Variants in FRAS1 observed in about 807,000 individuals in gnomAD.
FRAS1 encodes extracellular matrix organizing protein FRAS1.
Under a neutral mutation model 435.2 loss-of-function variants are expected in FRAS1, and 290 were observed. That is an observed-to-expected ratio of 0.67 (90% CI 0.61 to 0.73). The LOEUF (loss-of-function observed/expected upper bound fraction) is 0.73. Ranked by LOEUF, FRAS1 falls within the 30% of genes least tolerant of loss-of-function variation. The probability of loss-of-function intolerance (pLI) is 0.00; values close to 1 mark genes in which losing one functional copy is unlikely to be tolerated. For missense variants in FRAS1, 4,860 were observed against 5,001.5 expected (o/e 0.97, Z 0.85); for synonymous variants, 1,800 against 1,851.0 (o/e 0.97, Z 0.71).
At chr4:78,083,345 A>G (rs1259502877) in intron 2 of FRAS1, among the ~76,000 whole-genome samples, 1 of 152,100 alleles carries the variant, frequency 6.6e-6, no homozygotes, top group Non-Finnish European at 1.5e-5. Flanking sequence ...ATTCTCAAAA[A>G]CAGATCTGGG....
intron 18 of FRAS1, among the ~76,000 whole-genome samples, chr4:78,324,562 T>G (rs1385135917): frequency 6.6e-6 from 1 of 152,142 alleles, no homozygotes; most frequent in Non-Finnish European, 1.5e-5. Context: ...TTTGCATATA[T>G]CTACTCCTAC....
intron 2 of FRAS1, among the ~76,000 whole-genome samples, chr4:78,184,822 T>C (rs1349345404): frequency 6.6e-6 from 1 of 152,188 alleles, no homozygotes; most frequent in African/African-American, 2.4e-5. Context: ...GTCAACTGAT[T>C]AGGGATTTTG....
chr4:78,328,228 A>G (rs1224315732), intron 18 of FRAS1, among the ~76,000 whole-genome samples: 1 of 152,226 alleles, frequency 6.6e-6, no homozygotes, highest in African/African-American at 2.4e-5. Context: ...TCGTTTTGTG[A>G]CCAAATGAAA....
At chr4:78,304,106 A>G (rs1260795) in intron 14 of FRAS1, among the ~76,000 whole-genome samples, 50,393 of 144,122 alleles carry the variant, frequency 0.35, 10,030 homozygotes, top group African/African-American at 0.5. Flanking sequence ...TGCATCTATT[A>G]AGATAATCAT....
chr4:78,412,922 C>T, intron 31 of FRAS1, 47 bp from the exon 32 acceptor site: 1 of 1,222,386 alleles, frequency 8.2e-7, no homozygotes, highest in Non-Finnish European at 1.2e-6. Context: ...CTAACATGCT[C>T]TGCTCAATAG....
chr4:78,301,994 TC>T (rs1305839586), intron 14 of FRAS1, among the ~76,000 whole-genome samples: 1 of 151,822 alleles, frequency 6.6e-6, no homozygotes, highest in Non-Finnish European at 1.5e-5. Context: ...CCCAATGCTA[TC>T]CCTCCCCACT....
chr4:78,177,969 G>C (rs1157598807), intron 2 of FRAS1, among the ~76,000 whole-genome samples: 1 of 152,112 alleles, frequency 6.6e-6, no homozygotes, highest in East Asian at 1.9e-4. Flanking sequence ...AAATTAGAAA[G>C]TTATTCTCTC....
At chr4:78,417,466 A>G (rs1733597136) in intron 32 of FRAS1, among the ~76,000 whole-genome samples, 1 of 152,222 alleles carries the variant, frequency 6.6e-6, no homozygotes, top group African/African-American at 2.4e-5. Flanking sequence ...ATAGGTGTGT[A>G]CAAACATGTA....
intron 42 of FRAS1, chr4:78,446,098 A>G (rs1302780451): frequency 1.6e-5 from 17 of 1,069,484 alleles, no homozygotes; most frequent in East Asian, 1.3e-4. Context: ...TAATTGTAAC[A>G]TCAAAGAAAT....
intron 29 of FRAS1, among the ~76,000 whole-genome samples, chr4:78,395,596 C>G (rs1732625619): frequency 6.6e-6 from 1 of 152,070 alleles, no homozygotes; most frequent in East Asian, 1.9e-4. Context: ...GGATTAACCT[C>G]TCATTATATA....
chr4:78,114,766 A>G (rs986753547), intron 2 of FRAS1, among the ~76,000 whole-genome samples: 30 of 152,342 alleles, frequency 2.0e-4, no homozygotes, highest in African/African-American at 7.2e-4. Context: ...CAGTCATGTC[A>G]TCTGCAAACA....
At chr4:78,428,391 C>CG (rs1279868727) in intron 35 of FRAS1, among the ~76,000 whole-genome samples, 4 of 151,762 alleles carry the variant, frequency 2.6e-5, no homozygotes, top group Non-Finnish European at 5.9e-5. Context: ...GGTGCAATCT[C>CG]GGCTCACTGC....
chr4:78,456,138 C>CTTTTTTTTTTCTTTTT (rs1553962164), intron 47 of FRAS1, among the ~76,000 whole-genome samples: 2 of 51,484 alleles, frequency 3.9e-5, no homozygotes, highest in African/African-American at 8.2e-5. Context: ...ACACATGTCA[C>CTTTTTTTTTTCTTTTT]TTTTTTTTTT....
chr4:78,419,527 C>G (rs1271355560), intron 33 of FRAS1, among the ~76,000 whole-genome samples: 2 of 152,206 alleles, frequency 1.3e-5, no homozygotes, highest in African/African-American at 4.8e-5. Flanking sequence ...GGATACATTA[C>G]TCCTCCTCCT....
Position 78,362,440 on chromosome 4 carries a change from T to C in FRAS1, c.2423-1073T>C, listed in dbSNP as rs1424210141. Among the ~76,000 whole-genome samples, 3 of 152,184 alleles carry C rather than the reference T, an allele frequency of 2.0e-5. No individual in the cohort carries two copies. The East Asian group carries it at 5.8e-4, about 29-fold the overall frequency. On this transcript the variant is annotated intron_variant, in intron 20 of 73. Transcript: ENST00000512123. ...TCAACCCCTTGTAGGAGAAAGCATGTATGTTAGTGAGTGCAGGATCTGGCT... is the reference window on the plus strand; with the variant it reads ...TCAACCCCTTGTAGGAGAAAGCATGCATGTTAGTGAGTGCAGGATCTGGCT...
chr4:78,120,585 G>A (rs1404512494), intron 2 of FRAS1, among the ~76,000 whole-genome samples: 2 of 152,174 alleles, frequency 1.3e-5, no homozygotes, highest in Non-Finnish European at 2.9e-5. Context: ...GGAAAAAGGG[G>A]CCTGTGTGCA....
Position 78,400,851 on chromosome 4 carries a change from A to C in FRAS1, c.4093A>C (p.Ile1365Leu), listed in dbSNP as rs1732861527. Reference sequence around the variant, plus strand: ...GGCTCCTGGTGCCAGTGCTGAAGAAATCATCTACAAGATTACACAAGACTA... The same window carrying C: ...GGCTCCTGGTGCCAGTGCTGAAGAACTCATCTACAAGATTACACAAGACTA... ...AEAPGASAEE[I>L]IYKITQDYPQ... The change falls in exon 30 of 74, where the codon ATC (isoleucine) becomes CTC (leucine). Residue 1365 changes from isoleucine to leucine, a missense_variant. Transcript: ENST00000512123. 1.2e-6 allele frequency: 2 copies of C among 1,613,802 alleles called. No homozygotes were observed. The highest frequency in any genetic ancestry group is 1.7e-6 in the Non-Finnish European group (2 of 1,179,808).
Position 78,318,825 on chromosome 4 carries a change from G to C in FRAS1, c.1976G>C (p.Cys659Ser), listed in dbSNP as rs529969045. Reference sequence around the variant, plus strand: ...CCATTTGCAGCCTGTCACTCCTCCTGCCTGGCTTGTATGGGTCCCGCACCC... The same window carrying C: ...CCATTTGCAGCCTGTCACTCCTCCTCCCTGGCTTGTATGGGTCCCGCACCC... ...HGVCKACHSS[C>S]LACMGPAPSH... The change falls in exon 18 of 74, where the codon TGC becomes TCC. Residue 659 changes from cysteine to serine, a missense_variant. Physicochemically the swap from Cys to Ser is moderately radical, Grantham distance 112. Transcript: ENST00000512123. 4 of 1,577,064 alleles carry C rather than the reference G, an allele frequency of 2.5e-6. No individual in the cohort carries two copies. The South Asian group carries it at 4.7e-5, about 18-fold the overall frequency.
chr4:78,317,299 C>T, intron 16 of FRAS1, 69 bp from the exon 17 acceptor site: 1 of 1,579,674 alleles, frequency 6.3e-7, no homozygotes, highest in South Asian at 1.1e-5. Context: ...GCCCGTGAAG[C>T]CCAGCCAGGA....
Sources: allele counts gnomAD v4.1 joint callset (sites outside exome capture counted in the v4.1 genomes callset), GRCh38; gene constraint gnomAD v4.1.1; transcripts MANE v1.5; gene names NCBI Gene and HGNC (gene_info 2026-07-23, HGNC 2026-07-21).